GLIS3: variants seen among roughly 807,000 people sequenced by gnomAD.
The protein encoded by GLIS3 is GLIS family zinc finger 3.
A neutral mutation model predicts 78.6 loss-of-function variants in GLIS3; 53 were observed. The observed-to-expected ratio is 0.67, with a 90% CI of 0.54 to 0.85. GLIS3 has a LOEUF of 0.85. GLIS3 is among the 40% of genes least tolerant of loss of function. The pLI, the probability that GLIS3 is intolerant of heterozygous loss-of-function variation, is 0.00. For missense variants in GLIS3, 1,703 were observed against 1,231.1 expected (o/e 1.38, Z -5.74); for synonymous variants, 684 against 509.9 (o/e 1.34, Z -4.60).
At chr9:3,861,030 T>C (rs1820180061) in intron 8 of GLIS3, among the ~76,000 whole-genome samples, 1 of 152,144 alleles carries the variant, frequency 6.6e-6, no homozygotes, top group Non-Finnish European at 1.5e-5. Flanking sequence ...TAATTTTAAA[T>C]TGAGAAGTCA....
Position 4,076,561 on chromosome 9 carries a change from T to TA in GLIS3, c.1710+41206dup, listed in dbSNP as rs1828072979. Among the ~76,000 whole-genome samples, 7 of 152,294 alleles carry TA rather than the reference T, an allele frequency of 4.6e-5. No homozygotes were observed. The South Asian group carries it at 1.5e-3, about 32-fold the overall frequency. ...TATATTTAAAATACAAATAAGTAGATAAAAAAGAACATTGACCATTATCTC... is the reference window on the plus strand; with the variant it reads ...TATATTTAAAATACAAATAAGTAGATAAAAAAAGAACATTGACCATTATCTC... On this transcript the variant is annotated intron_variant, in intron 4 of 10. Transcript: ENST00000381971.
At chr9:4,064,524 A>C (rs1432299525) in intron 4 of GLIS3, among the ~76,000 whole-genome samples, 2 of 152,212 alleles carry the variant, frequency 1.3e-5, no homozygotes, top group Non-Finnish European at 2.9e-5. Flanking sequence ...TGGATTTATA[A>C]TAATGGTTAT....
chr9:4,328,647 C>T (rs1817638017), intron 2 of GLIS3, among the ~76,000 whole-genome samples: 1 of 152,230 alleles, frequency 6.6e-6, no homozygotes, highest in Non-Finnish European at 1.5e-5. Flanking sequence ...GTCCTGAAGC[C>T]AGAGAGCCTG....
At chr9:4,091,580 G>A (rs975737846) in intron 4 of GLIS3, among the ~76,000 whole-genome samples, 21 of 152,024 alleles carry the variant, frequency 1.4e-4, no homozygotes, top group African/African-American at 4.6e-4. Context: ...GTCATGTGTC[G>A]CTTAATGACA....
intron 3 of GLIS3, among the ~76,000 whole-genome samples, chr9:4,309,332 G>A (rs943649264): frequency 3.3e-5 from 5 of 152,200 alleles, no homozygotes; most frequent in African/African-American, 1.2e-4. Context: ...AGACTTGGCT[G>A]TAAGTTAATA....
intron 5 of GLIS3, among the ~76,000 whole-genome samples, chr9:3,935,309 A>T (rs1172218398): frequency 6.6e-6 from 1 of 152,154 alleles, no homozygotes; most frequent in Non-Finnish European, 1.5e-5. Context: ...GGAAAAAATG[A>T]TGCTTTAAAA....
intron 4 of GLIS3, among the ~76,000 whole-genome samples, chr9:3,956,028 C>CAAAAAAAAAAAAAAAAAAA (rs5896037): frequency 2.3e-5 from 2 of 87,624 alleles, no homozygotes; most frequent in African/African-American, 4.1e-5. Context: ...CCAGATTCAG[C>CAAAAAAAAAAAAAAAAAAA]AAAAAAAAAA....
At chr9:4,325,935 G>T (rs1449205951) in intron 2 of GLIS3, among the ~76,000 whole-genome samples, 1 of 152,124 alleles carries the variant, frequency 6.6e-6, no homozygotes, top group Non-Finnish European at 1.5e-5. Flanking sequence ...ATTATCCTCA[G>T]CAAACTAACA....
chr9:4,435,805 C>T, the GLIS3 span, among the ~76,000 whole-genome samples: 6 of 152,006 alleles, frequency 3.9e-5, no homozygotes, highest in Admixed American at 6.6e-5. Context: ...AAAAATTAGC[C>T]GGGCGTGGTG....
At chr9:4,148,035 G>T (rs940987093) in intron 2 of GLIS3, among the ~76,000 whole-genome samples, 2 of 152,080 alleles carry the variant, frequency 1.3e-5, no homozygotes, top group Non-Finnish European at 2.9e-5. Context: ...TTGAAGTGAG[G>T]TGGTTACCAC....
the GLIS3 span, among the ~76,000 whole-genome samples, chr9:4,364,763 T>TTTTTTG: frequency 5.4e-5 from 7 of 128,966 alleles, no homozygotes; most frequent in South Asian, 1.8e-3. Context: ...TTGCTTTTTT[T>TTTTTTG]TTTTTTTTTT....
intron 2 of GLIS3, among the ~76,000 whole-genome samples, chr9:4,320,053 T>C (rs1234437678): frequency 1.3e-5 from 2 of 151,732 alleles, no homozygotes; most frequent in Non-Finnish European, 2.9e-5. Flanking sequence ...AATTAGTTGC[T>C]AAGTAAGAAA....
intron 6 of GLIS3, among the ~76,000 whole-genome samples, chr9:3,910,198 C>G (rs911629752): frequency 2.0e-5 from 3 of 152,184 alleles, no homozygotes; most frequent in African/African-American, 7.2e-5. Context: ...AATAACTGCT[C>G]ACAGTCTCTT....
intron 2 of GLIS3, among the ~76,000 whole-genome samples, chr9:4,177,041 A>T (rs550263390): frequency 1.3e-5 from 2 of 152,278 alleles, no homozygotes; most frequent in East Asian, 3.9e-4. Context: ...TATCCCCCGA[A>T]ATTTACACCA....
At chr9:3,912,954 C>G (rs544173643) in intron 6 of GLIS3, among the ~76,000 whole-genome samples, 83 of 152,326 alleles carry the variant, frequency 5.4e-4, no homozygotes, top group Non-Finnish European at 9.8e-4. Context: ...TGTGACCACA[C>G]ACATTCCATC....
chr9:3,890,131 G>A lies in GLIS3; in HGVS notation c.2128+8560C>T, dbSNP rs77527251. On this transcript the variant is annotated intron_variant, in intron 7 of 10. Coordinates refer to ENST00000381971, the MANE Select transcript of GLIS3 (RefSeq NM_001042413.2). ...AGGAATATGTAAAATTGCATTGGCCGAGGCCATCAATCCCATTTCTCCTTT... is the reference window on the plus strand; with the variant it reads ...AGGAATATGTAAAATTGCATTGGCCAAGGCCATCAATCCCATTTCTCCTTT... Among the ~76,000 whole-genome samples the A allele has an allele frequency of 4.5e-3, 686 of 152,234 alleles. 3 individuals carry two copies. The highest frequency in any genetic ancestry group is 0.013 in the African/African-American group (550 of 41,550).
intron 2 of GLIS3, among the ~76,000 whole-genome samples, chr9:4,261,249 A>G (rs1262940379): frequency 6.6e-6 from 1 of 152,206 alleles, no homozygotes; most frequent in African/African-American, 2.4e-5. Flanking sequence ...GGTGCAGAAT[A>G]AACGCTCCCA....
rs1202006382 is a variant in GLIS3 at position 3,879,593 on chromosome 9, G to C, written c.2131C>G (p.Pro711Ala). The change falls in exon 8 of 11, where the codon CCC becomes GCC. Residue 711 changes from proline to alanine, a missense_variant and splice_region_variant. Physicochemically the swap from Pro to Ala is conservative, Grantham distance 27. Transcript: ENST00000381971. ...PGPGPDLYSAPIFSSNYSSRS... is the reference protein window; with the variant it reads ...PGPGPDLYSAAIFSSNYSSRS... ...CTTGAATAATTGCTGGAGAAAATGGGAGCTGAAATCAAGGGAGAACAAACA... is the reference window on the plus strand; with the variant it reads ...CTTGAATAATTGCTGGAGAAAATGGCAGCTGAAATCAAGGGAGAACAAACA... 4.3e-6 allele frequency: 7 copies of C among 1,613,964 alleles called. No individual in the cohort carries two copies. Among genetic ancestry groups the C allele is most frequent in the Non-Finnish European group, 5.9e-6 (7 of 1,179,972 alleles).
the GLIS3 span, among the ~76,000 whole-genome samples, chr9:4,453,388 C>T: frequency 1.5e-5 from 2 of 137,712 alleles, no homozygotes; most frequent in Non-Finnish European, 3.2e-5. Context: ...TCAGAATGAA[C>T]AGGCTACCTA....
Sources: allele counts gnomAD v4.1 joint callset (sites outside exome capture counted in the v4.1 genomes callset), GRCh38; gene constraint gnomAD v4.1.1; transcripts MANE v1.5; gene names NCBI Gene and HGNC (gene_info 2026-07-23, HGNC 2026-07-21).